CCBE1: variants seen among roughly 807,000 people sequenced by gnomAD.
CCBE1 encodes the protein collagen and calcium binding EGF domains 1.
A neutral mutation model predicts 50.0 loss-of-function variants in CCBE1; 37 were observed. That is an observed-to-expected ratio of 0.74 (90% CI 0.57 to 0.97). The LOEUF (loss-of-function observed/expected upper bound fraction) is 0.97, where lower values mean the gene tolerates loss of function less well. Among genes scored for constraint, CCBE1 ranks in the 50% least tolerant of loss-of-function variants. The probability of loss-of-function intolerance (pLI) is 0.00; values close to 1 mark genes in which losing one functional copy is unlikely to be tolerated. For missense variants in CCBE1, 538 were observed against 523.8 expected (o/e 1.03, Z -0.26); for synonymous variants, 234 against 203.7 (o/e 1.15, Z -1.27).
Position 59,449,629 on chromosome 18 carries a change from A to G in CCBE1, c.655-1526T>C, listed in dbSNP as rs1276558039. Among the ~76,000 whole-genome samples, 3 of 142,872 alleles carry G rather than the reference A, an allele frequency of 2.1e-5. No homozygotes were observed. In the South Asian group the frequency reaches 6.7e-4, roughly 32 times the overall value. 93.7% of individuals were successfully genotyped at this position (142,872 alleles called of 152,430 possible). A position where few individuals can be genotyped will look rare whatever the true frequency, so the allele number is the denominator to read the frequency against. On this transcript the variant is annotated intron_variant, in intron 6 of 10. Transcript: ENST00000439986. ...GCAACAGAGTGAGACTCTGTCCAAA[A>G]AAAAAAAAAAAAGAAATGCTGTCTG... is the stretch of plus-strand genomic sequence containing the variant.
intron 2 of CCBE1, among the ~76,000 whole-genome samples, chr18:59,586,907 A>G (rs1488511928): frequency 6.6e-6 from 1 of 152,240 alleles, no homozygotes; most frequent in Non-Finnish European, 1.5e-5. Context: ...AACGTTCTTT[A>G]TTCTTTGAGA....
intron 2 of CCBE1, among the ~76,000 whole-genome samples, chr18:59,577,469 A>G (rs2053015660): frequency 6.6e-6 from 1 of 152,220 alleles, no homozygotes; most frequent in Non-Finnish European, 1.5e-5. Context: ...CAGTTTCTTA[A>G]GCTGAATCAT....
intron 2 of CCBE1, among the ~76,000 whole-genome samples, chr18:59,604,046 G>T (rs1356737664): frequency 1.3e-5 from 2 of 152,158 alleles, no homozygotes; most frequent in South Asian, 2.1e-4. Flanking sequence ...AGTTGGAAAA[G>T]GTATCTGTTG....
chr18:59,543,834 C>CAAAAAAAAAAAAAAAAAA (rs10678902), intron 2 of CCBE1, among the ~76,000 whole-genome samples: 10 of 68,982 alleles, frequency 1.4e-4, no homozygotes, highest in Admixed American at 5.9e-4. Context: ...GACTCCGTCT[C>CAAAAAAAAAAAAAAAAAA]AAAAAAAAAA....
At chr18:59,695,817 A>G (rs975826794) in intron 2 of CCBE1, among the ~76,000 whole-genome samples, 3 of 152,198 alleles carry the variant, frequency 2.0e-5, no homozygotes, top group Non-Finnish European at 4.4e-5. Flanking sequence ...ATTACCTTGT[A>G]CAGCGCCTCT....
chr18:59,666,600 A>G (rs1230802063), intron 2 of CCBE1, among the ~76,000 whole-genome samples: 3 of 147,508 alleles, frequency 2.0e-5, no homozygotes, highest in African/African-American at 7.4e-5. Flanking sequence ...CAAAGCTACA[A>G]GACACTTTTT....
At chr18:59,454,739 C>T in intron 6 of CCBE1, 112 bp downstream of exon 6, 1 of 948,154 alleles carries the variant, frequency 1.1e-6, no homozygotes, top group Non-Finnish European at 1.7e-6. Context: ...CTGGCATCAA[C>T]TGCGTGAATG....
At chr18:59,600,416 A>G (rs892018245) in intron 2 of CCBE1, among the ~76,000 whole-genome samples, 1 of 152,202 alleles carries the variant, frequency 6.6e-6, no homozygotes, top group Middle Eastern at 3.4e-3. Flanking sequence ...TAAGTATGTT[A>G]CAATGTGATA....
intron 2 of CCBE1, among the ~76,000 whole-genome samples, chr18:59,645,109 C>T (rs1428495710): frequency 1.3e-5 from 2 of 152,270 alleles, no homozygotes; most frequent in African/African-American, 2.4e-5. Context: ...CAAAAATTAG[C>T]CAGGTGTGGT....
chr18:59,440,969 C>T (rs1910394273), intron 7 of CCBE1, among the ~76,000 whole-genome samples: 1 of 152,150 alleles, frequency 6.6e-6, no homozygotes, highest in African/African-American at 2.4e-5. Context: ...ACCTAGGCCT[C>T]CACTAAGCAT....
intron 5 of CCBE1, among the ~76,000 whole-genome samples, chr18:59,459,444 C>G (rs1484043800): frequency 2.0e-5 from 3 of 152,136 alleles, no homozygotes; most frequent in Non-Finnish European, 4.4e-5. Context: ...TTTCAATCCT[C>G]TCAACTAATG....
intron 2 of CCBE1, among the ~76,000 whole-genome samples, chr18:59,631,563 G>T (rs1159287855): frequency 8.5e-5 from 13 of 152,336 alleles, no homozygotes; most frequent in Non-Finnish European, 1.5e-5. Flanking sequence ...AAGGATCTCT[G>T]AGCAGTAGAG....
chr18:59,519,927 G>A (rs140775325), intron 2 of CCBE1, among the ~76,000 whole-genome samples: 2,934 of 152,208 alleles, frequency 0.019, 82 homozygotes, highest in African/African-American at 0.066. Flanking sequence ...TATTAAATAG[G>A]GAATCATTTC....
chr18:59,551,490 C>T (rs565814799), intron 2 of CCBE1, among the ~76,000 whole-genome samples: 26 of 152,182 alleles, frequency 1.7e-4, no homozygotes, highest in Non-Finnish European at 2.5e-4. Flanking sequence ...AAGTAAAGCA[C>T]ACCACGATGC....
chr18:59,626,278 G>A (rs908391284), intron 2 of CCBE1, among the ~76,000 whole-genome samples: 3 of 152,162 alleles, frequency 2.0e-5, no homozygotes, highest in East Asian at 3.8e-4. Context: ...TAAATCCTTT[G>A]GTAAAGTAAA....
chr18:59,457,235 C>T (rs1911238198), intron 5 of CCBE1, among the ~76,000 whole-genome samples: 1 of 152,142 alleles, frequency 6.6e-6, no homozygotes, highest in Admixed American at 6.5e-5. Context: ...TCAATTGGTG[C>T]ACTGGAGGGA....
chr18:59,559,258 T>TG (rs892558838), intron 2 of CCBE1, among the ~76,000 whole-genome samples: 22 of 152,230 alleles, frequency 1.4e-4, no homozygotes, highest in African/African-American at 5.3e-4. Flanking sequence ...TGGGTGTTTC[T>TG]GACTGCACTG....
At chr18:59,559,611 C>G (rs1406630853) in intron 2 of CCBE1, among the ~76,000 whole-genome samples, 1 of 152,210 alleles carries the variant, frequency 6.6e-6, no homozygotes, top group African/African-American at 2.4e-5. Flanking sequence ...TGTTTAATAA[C>G]AGAACTGGCC....
chr18:59,477,548 G>C (rs151286579), intron 3 of CCBE1, among the ~76,000 whole-genome samples: 22 of 78,628 alleles, frequency 2.8e-4, no homozygotes, highest in Admixed American at 1.2e-3. Flanking sequence ...CTGTGTGTGT[G>C]TGTGTGTGTG....
Sources: allele counts gnomAD v4.1 joint callset (sites outside exome capture counted in the v4.1 genomes callset), GRCh38; gene constraint gnomAD v4.1.1; transcripts MANE v1.5; gene names NCBI Gene and HGNC (gene_info 2026-07-23, HGNC 2026-07-21).